The following TECPR2 variants were observed in gnomAD, a reference collection of about 807,000 sequenced individuals.
TECPR2 encodes the protein tectonin beta-propeller repeat containing 2.
A neutral mutation model predicts 138.1 loss-of-function variants in TECPR2; 65 were observed. The ratio of observed to expected loss-of-function variants is 0.47; its 90% CI spans 0.39 to 0.58. The LOEUF (loss-of-function observed/expected upper bound fraction) is 0.58. Among genes scored for constraint, TECPR2 ranks in the 20% least tolerant of loss-of-function variants. The pLI, the probability that TECPR2 is intolerant of heterozygous loss-of-function variation, is 0.00. For missense variants in TECPR2, 1,553 were observed against 1,824.5 expected, an observed-to-expected ratio of 0.85 and a Z score of 2.71; for synonymous variants, 746 against 749.8, an observed-to-expected ratio of 0.99 and a Z score of 0.08.
At chr14:102,388,291 T>G (rs1888069634) in intron 2 of TECPR2, among the ~76,000 whole-genome samples, 1 of 152,254 alleles carries the variant, frequency 6.6e-6, no homozygotes, top group Non-Finnish European at 1.5e-5. Context: ...TCAAATGTTT[T>G]TAACAGTGAC....
At chr14:102,437,284 C>G in intron 9 of TECPR2, 1 of 819,820 alleles carries the variant, frequency 1.2e-6, no homozygotes. Flanking sequence ...CAGTGGCTCA[C>G]GCCTGTAATC....
At chr14:102,446,353 A>G (rs145804008) in intron 13 of TECPR2, among the ~76,000 whole-genome samples, 4,147 of 152,208 alleles carry the variant, frequency 0.027, 75 homozygotes, top group Middle Eastern at 0.088. Context: ...AATCCCAGCA[A>G]TTTGAGAGGC....
chr14:102,469,173 C>A (rs975237894), intron 17 of TECPR2, among the ~76,000 whole-genome samples: 39 of 152,116 alleles, frequency 2.6e-4, no homozygotes, highest in African/African-American at 9.2e-4. Context: ...TGTGTCGAAT[C>A]AGTAGATAAA....
At chr14:102,483,012 T>G (rs998364144) in intron 17 of TECPR2, among the ~76,000 whole-genome samples, 12 of 146,606 alleles carry the variant, frequency 8.2e-5, no homozygotes, top group Admixed American at 2.7e-4. Context: ...CCTGGCTAAT[T>G]TTTTTTTTTT....
At chr14:102,441,677 C>T (rs574482172) in intron 11 of TECPR2, among the ~76,000 whole-genome samples, 1 of 151,932 alleles carries the variant, frequency 6.6e-6, no homozygotes, top group Admixed American at 6.6e-5. Context: ...GGTGACAGGG[C>T]GAGACTCCGT....
intron 1 of TECPR2, among the ~76,000 whole-genome samples, chr14:102,365,740 CT>C (rs1408056642): frequency 6.6e-6 from 1 of 152,090 alleles, no homozygotes; most frequent in African/African-American, 2.4e-5. Context: ...GGGGTGATTG[CT>C]AAAGGGTAGG....
Position 102,496,989 on chromosome 14 carries a change from T to A in TECPR2, c.3800T>A (p.Val1267Asp), listed in dbSNP as rs1891298513. The A allele has an allele frequency of 6.2e-7, 1 of 1,613,402 alleles. No individual in the cohort carries two copies. Among genetic ancestry groups the A allele is most frequent in the Non-Finnish European group, 8.5e-7 (1 of 1,179,830 alleles). ...MIEPPVQPAGVSLVSVHSSPN... is the reference protein window; with the variant it reads ...MIEPPVQPAGDSLVSVHSSPN... ...CCTTCCCGCTTCCAGCCCGCCGGGG[T>A]CAGCTTGGTCAGCGTCCATTCCAGC... is the stretch of plus-strand genomic sequence containing the variant. Residue 1267 changes from valine (V) to aspartate (D), a missense_variant, in exon 18 of 20, where the codon GTC (valine) becomes GAC (aspartate). Coordinates refer to ENST00000359520, the MANE Select transcript of TECPR2 (RefSeq NM_014844.5).
chr14:102,397,573 C>G (rs1888347573), intron 2 of TECPR2, among the ~76,000 whole-genome samples: 1 of 151,880 alleles, frequency 6.6e-6, no homozygotes, highest in Non-Finnish European at 1.5e-5. Flanking sequence ...ATGGGGATAC[C>G]CTGTCTCTAC....
intron 17 of TECPR2, among the ~76,000 whole-genome samples, chr14:102,478,640 C>A (rs563047912): frequency 6.6e-6 from 1 of 151,076 alleles, no homozygotes; most frequent in African/African-American, 2.4e-5. Flanking sequence ...CAGAATGAGA[C>A]CCTGTCTCAA....
chr14:102,371,893 CTGTG>C (rs1225445237), intron 1 of TECPR2, among the ~76,000 whole-genome samples: 1 of 152,088 alleles, frequency 6.6e-6, no homozygotes, highest in Non-Finnish European at 1.5e-5. Context: ...GTGAAAAAGT[CTGTG>C]TGTGTGCATA....
chr14:102,424,130 C>G (rs961611767), intron 5 of TECPR2, among the ~76,000 whole-genome samples: 1 of 152,218 alleles, frequency 6.6e-6, no homozygotes, highest in African/African-American at 2.4e-5. Flanking sequence ...GTACAGCCTA[C>G]TTCCACCTGG....
chr14:102,487,679 C>T (rs1160039567), intron 17 of TECPR2, among the ~76,000 whole-genome samples: 11 of 151,230 alleles, frequency 7.3e-5, no homozygotes, highest in African/African-American at 2.7e-4. Flanking sequence ...GTAGCTGGGA[C>T]TACAGGCGCC....
At chr14:102,413,575 C>T (rs1888942056) in intron 4 of TECPR2, among the ~76,000 whole-genome samples, 2 of 151,784 alleles carry the variant, frequency 1.3e-5, no homozygotes, top group African/African-American at 2.4e-5. Context: ...GACGAGGTTT[C>T]ACCATGTTGG....
intron 2 of TECPR2, among the ~76,000 whole-genome samples, chr14:102,397,720 C>G (rs1300221853): frequency 1.3e-5 from 2 of 152,004 alleles, no homozygotes; most frequent in Non-Finnish European, 2.9e-5. Context: ...GCACTCCAGC[C>G]TGGGTAACAG....
chr14:102,410,288 T>TGCATTCAATCTGTTG (rs1195632797), intron 4 of TECPR2, among the ~76,000 whole-genome samples: 30 of 151,474 alleles, frequency 2.0e-4, no homozygotes, highest in South Asian at 8.4e-4. Context: ...GGCTGGATTC[T>TGCATTCAATCTGTTG]CCCTAATCTC....
intron 1 of TECPR2, among the ~76,000 whole-genome samples, chr14:102,373,290 C>A (rs1887556126): frequency 6.6e-6 from 1 of 151,996 alleles, no homozygotes; most frequent in South Asian, 2.1e-4. Context: ...TTTCAACTTA[C>A]TATTTTTTGA....
chr14:102,438,248 G>GCCGCTCCTGCTCC (rs756308948), intron 10 of TECPR2, 43 bp downstream of exon 10: 3 of 1,564,544 alleles, frequency 1.9e-6, no homozygotes, highest in Admixed American at 1.8e-5. Context: ...GCTCCCGCTC[G>GCCGCTCCTGCTCC]CCGCTCCTGC....
intron 4 of TECPR2, among the ~76,000 whole-genome samples, chr14:102,412,776 T>C (rs116962489): frequency 0.017 from 2,535 of 152,256 alleles, 39 homozygotes; most frequent in Non-Finnish European, 0.028. Flanking sequence ...TATTTCAGTG[T>C]GCAGCAGAAG....
In TECPR2 at chr14:102,439,156, G is replaced by A. The variant is rs997414485; in HGVS notation, c.2578+951G>A. 1.6e-4 allele frequency among the ~76,000 whole-genome samples: 24 copies of A among 152,124 alleles called. 1 individual carries two copies. Among genetic ancestry groups the A allele is most frequent in the African/African-American group, 5.1e-4 (21 of 41,510 alleles). ...TGGGATTACAGGTGAGAGCCACTAC[G>A]CCCGGCTTTGCTTGTTTTTTCTTAA... On this transcript the variant is annotated intron_variant, in intron 10 of 19. Coordinates refer to ENST00000359520, the MANE Select transcript of TECPR2 (RefSeq NM_014844.5).
Sources: allele counts gnomAD v4.1 joint callset (sites outside exome capture counted in the v4.1 genomes callset), GRCh38; gene constraint gnomAD v4.1.1; transcripts MANE v1.5; gene names NCBI Gene and HGNC (gene_info 2026-07-23, HGNC 2026-07-21).